DAPK1: variants seen among roughly 807,000 people sequenced by gnomAD.
DAPK1 encodes death associated protein kinase 1.
Under a neutral mutation model 144.9 loss-of-function variants are expected in DAPK1, and 56 were observed. The ratio of observed to expected loss-of-function variants is 0.39; its 90% confidence interval spans 0.31 to 0.48. The LOEUF (loss-of-function observed/expected upper bound fraction) is 0.48. Among genes scored for constraint, DAPK1 ranks in the 20% least tolerant of loss-of-function variants. The probability of loss-of-function intolerance (pLI) is 0.95; values close to 1 mark genes in which losing one functional copy is unlikely to be tolerated. For synonymous variants in DAPK1, 690 were observed against 749.0 expected, an observed-to-expected ratio of 0.92 and a Z score of 1.29; for missense variants, 1,454 against 1,875.4, an observed-to-expected ratio of 0.78 and a Z score of 4.15.
intron 1 of DAPK1, chr9:87,498,723 C>G: frequency 9.3e-6 from 4 of 431,664 alleles, no homozygotes; most frequent in Non-Finnish European, 1.6e-5. Context: ...CCCAACAGAC[C>G]GCCCAGCGTT....
chr9:87,529,023 C>T (rs1190011954), intron 2 of DAPK1, among the ~76,000 whole-genome samples: 2 of 152,186 alleles, frequency 1.3e-5, no homozygotes, highest in African/African-American at 4.8e-5. Flanking sequence ...AGTAAACACA[C>T]TGTGTGTGCT....
At chr9:87,657,547 C>G in intron 17 of DAPK1, 1 of 166,138 alleles carries the variant, frequency 6.0e-6, no homozygotes, top group Non-Finnish European at 1.3e-5. Context: ...TTAGATATTC[C>G]TGGGCACCCC....
intron 3 of DAPK1, among the ~76,000 whole-genome samples, chr9:87,616,127 C>T (rs1224755384): frequency 6.6e-6 from 1 of 152,226 alleles, no homozygotes; most frequent in South Asian, 2.1e-4. Context: ...CCTTCTCTAG[C>T]GTGGCTGCAT....
chr9:87,703,247 C>T lies in DAPK1; in HGVS notation c.3060+30C>T, dbSNP rs372767000. Reference sequence around the variant, plus strand: ...GCCCCTGGGAGCCCAGGCAGGGGGCCGTGAGAGGTGCCAGGGACTCAGCCT... The same window carrying T: ...GCCCCTGGGAGCCCAGGCAGGGGGCTGTGAGAGGTGCCAGGGACTCAGCCT... On this transcript the variant is annotated intron_variant, in intron 25 of 25. Transcript: ENST00000408954. The T allele has an allele frequency of 9.8e-4, 1,361 of 1,390,198 alleles. 12 individuals carry two copies. Among genetic ancestry groups the T allele is most frequent in the South Asian group, 4.0e-3 (342 of 85,572 alleles). 86.1% of individuals were successfully genotyped at this position (1,390,198 alleles called of 1,614,324 possible).
intron 17 of DAPK1, among the ~76,000 whole-genome samples, chr9:87,657,041 C>T (rs769643204): frequency 7.2e-5 from 11 of 152,076 alleles, no homozygotes; most frequent in Non-Finnish European, 1.2e-4. Context: ...TTTAAAAATA[C>T]ATAGCATTAA....
chr9:87,626,855 A>G (rs1024846593), intron 3 of DAPK1, among the ~76,000 whole-genome samples: 5 of 152,216 alleles, frequency 3.3e-5, no homozygotes, highest in African/African-American at 9.7e-5. Context: ...TAAAATGTAC[A>G]TAAAACAATG....
At chr9:87,644,602 T>G (rs1202039656) in intron 11 of DAPK1, among the ~76,000 whole-genome samples, 2 of 152,008 alleles carry the variant, frequency 1.3e-5, no homozygotes, top group Non-Finnish European at 2.9e-5. Context: ...GAGGCTTTGT[T>G]TGGGAATTGT....
At chr9:87,557,676 T>C (rs995191250) in intron 2 of DAPK1, among the ~76,000 whole-genome samples, 4 of 152,180 alleles carry the variant, frequency 2.6e-5, no homozygotes, top group Non-Finnish European at 4.4e-5. Flanking sequence ...CGCGGTAGCT[T>C]ATGCTTATAA....
chr9:87,557,564 C>G (rs1563992366), intron 2 of DAPK1, among the ~76,000 whole-genome samples: 1 of 151,986 alleles, frequency 6.6e-6, no homozygotes, highest in Non-Finnish European at 1.5e-5. Context: ...TTTTTTCTAT[C>G]TCTTACAGAA....
rs370474736 is a variant in DAPK1, at chr9:87,605,200, G to A, written c.284+25G>A. ...TGTGAGTGCCGCCTGGGCCAGGCTG[G>A]GGAGAGGGTGTGGTGGGCGTCAGCT... On this transcript the variant is annotated intron_variant, in intron 3 of 25. Coordinates refer to ENST00000408954, the MANE Select transcript of DAPK1 (RefSeq NM_004938.4). The A allele has an allele frequency of 2.1e-5, 34 of 1,593,472 alleles. No homozygotes were observed. The African/African-American group carries it at 4.3e-4, about 20-fold the overall frequency.
chr9:87,626,495 G>C (rs1829500766), intron 3 of DAPK1, among the ~76,000 whole-genome samples: 1 of 152,148 alleles, frequency 6.6e-6, no homozygotes, highest in African/African-American at 2.4e-5. Context: ...GCAACTTCAT[G>C]AACTGCTGCT....
chr9:87,683,224 A>G (rs1048387566), intron 20 of DAPK1, among the ~76,000 whole-genome samples: 2 of 152,050 alleles, frequency 1.3e-5, no homozygotes, highest in South Asian at 4.2e-4. Flanking sequence ...CTGGGACTAC[A>G]GGTGCATGCC....
intron 2 of DAPK1, among the ~76,000 whole-genome samples, chr9:87,522,968 TTATCTATTAA>T (rs1236698139): frequency 6.6e-6 from 1 of 152,242 alleles, no homozygotes; most frequent in Non-Finnish European, 1.5e-5. Context: ...TAGGAGCTCT[TTATCTATTAA>T]ATAGCTTTAT....
At chr9:87,603,143 G>C (rs925413499) in intron 2 of DAPK1, among the ~76,000 whole-genome samples, 4 of 152,044 alleles carry the variant, frequency 2.6e-5, no homozygotes, top group Admixed American at 2.6e-4. Flanking sequence ...AATCTGCCTG[G>C]TGGGGACACA....
At chr9:87,554,631 C>G (rs1267565584) in intron 2 of DAPK1, among the ~76,000 whole-genome samples, 1 of 152,134 alleles carries the variant, frequency 6.6e-6, no homozygotes, top group Admixed American at 6.5e-5. Flanking sequence ...TCATGTAGAT[C>G]CCTCGGCAGT....
intron 2 of DAPK1, among the ~76,000 whole-genome samples, chr9:87,595,482 C>T (rs1225976303): frequency 6.6e-6 from 1 of 152,180 alleles, no homozygotes; most frequent in African/African-American, 2.4e-5. Context: ...TGCTATCTTT[C>T]TAATCTCCCC....
intron 3 of DAPK1, chr9:87,632,771 T>C: frequency 1.0e-6 from 1 of 982,038 alleles, no homozygotes; most frequent in Non-Finnish European, 1.2e-6. Flanking sequence ...TGAGTATATA[T>C]GTAGATATGA....
intron 21 of DAPK1, among the ~76,000 whole-genome samples, chr9:87,691,630 A>G (rs1825056198): frequency 2.0e-5 from 3 of 151,930 alleles, no homozygotes; most frequent in Admixed American, 2.0e-4. Context: ...GTTTATTGTT[A>G]TAAACTTCCT....
chr9:87,661,090 G>A (rs1262397986), intron 18 of DAPK1, among the ~76,000 whole-genome samples: 5 of 152,174 alleles, frequency 3.3e-5, no homozygotes, highest in African/African-American at 1.2e-4. Flanking sequence ...TGCCCACCTT[G>A]GCCTCCCAAA....
Sources: allele counts gnomAD v4.1 joint callset (sites outside exome capture counted in the v4.1 genomes callset), GRCh38; gene constraint gnomAD v4.1.1; transcripts MANE v1.5; gene names NCBI Gene and HGNC (gene_info 2026-07-23, HGNC 2026-07-21).